The following ZC3H8 variants were observed in gnomAD, a reference collection of about 807,000 sequenced individuals.
ZC3H8 encodes zinc finger CCCH domain-containing protein 8.
A neutral mutation model predicts 42.5 loss-of-function variants in ZC3H8; 27 were observed. The ratio of observed to expected loss-of-function variants is 0.64; its 90% CI spans 0.47 to 0.88. The LOEUF (loss-of-function observed/expected upper bound fraction) is 0.88, where lower values mean the gene tolerates loss of function less well. Ranked by LOEUF, ZC3H8 falls within the 40% of genes least tolerant of loss-of-function variation. ZC3H8 has a pLI of 0.00. For missense variants in ZC3H8, 277 were observed against 336.1 expected (o/e 0.82, Z 1.37); for synonymous variants, 101 against 110.1 (o/e 0.92, Z 0.52).
chr2:112,239,559 T>C (rs1368068276), intron 2 of ZC3H8, among the ~76,000 whole-genome samples: 1 of 147,422 alleles, frequency 6.8e-6, no homozygotes, highest in Non-Finnish European at 1.5e-5. Flanking sequence ...ATATATTAGG[T>C]GGCCCAATTT....
At chr2:112,251,612 A>G (rs574009407) in intron 1 of ZC3H8, among the ~76,000 whole-genome samples, 1 of 152,322 alleles carries the variant, frequency 6.6e-6, no homozygotes, top group African/African-American at 2.4e-5. Flanking sequence ...CGTAACACTT[A>G]CCACAAACAA....
rs1448158959 is a variant in ZC3H8 at position 112,254,901 on chromosome 2, G to A, written c.74+7C>T. On this transcript the variant is annotated splice_region_variant and intron_variant, in intron 1 of 8. Coordinates refer to ENST00000409573, the MANE Select transcript of ZC3H8 (RefSeq NM_032494.3). Reference sequence around the variant, plus strand: ...TGCATTCAAAAGATGAAAAGATATGGGATCACCTTTCGTCAGAGTCCGTGG... The same window carrying A: ...TGCATTCAAAAGATGAAAAGATATGAGATCACCTTTCGTCAGAGTCCGTGG... The A allele has an allele frequency of 6.2e-7, 1 of 1,613,076 alleles. No individual in the cohort carries two copies.
intron 1 of ZC3H8, among the ~76,000 whole-genome samples, chr2:112,251,870 T>C (rs1685961047): frequency 6.6e-6 from 1 of 152,216 alleles, no homozygotes; most frequent in Admixed American, 6.5e-5. Flanking sequence ...ATGAGCAGGA[T>C]AGGACAGAGG....
intron 2 of ZC3H8, among the ~76,000 whole-genome samples, chr2:112,248,096 C>G (rs1351520150): frequency 1.3e-5 from 2 of 152,212 alleles, no homozygotes; most frequent in Non-Finnish European, 2.9e-5. Flanking sequence ...GAGGCCGAGG[C>G]TGGCAGATCA....
chr2:112,214,997 C>G lies in ZC3H8; in HGVS notation c.*1487G>C, dbSNP rs1684271201. 1 of 152,018 alleles carries G rather than the reference C, an allele frequency of 6.6e-6. No individual in the cohort carries two copies. Among genetic ancestry groups the G allele is most frequent in the South Asian group, 2.1e-4 (1 of 4,814 alleles). The allele number at this position is 152,018 out of a possible 1,614,324, so 9.4% of individuals were successfully genotyped here. On this transcript the variant is annotated 3_prime_UTR_variant, in exon 9 of 9. Transcript: ENST00000409573. ...ATCTCTGCGGTGTCTTTTAAGTTTA[C>G]AAGTGAGATGGGTACTGCCTCAGAA...
At position 112,236,672 on chromosome 2, in the gene ZC3H8, G is replaced by C. The variant is rs765271218; in HGVS notation, c.394C>G (p.Leu132Val). Residue 132 changes from leucine (L) to valine (V), a missense_variant, in exon 4 of 9, where the codon CTT becomes GTT. Physicochemically the swap from Leu to Val is conservative, Grantham distance 32. Transcript: ENST00000409573. ...PQAAKQKNKN[L>V]KAGHKNGKQK... ...TTGCCATTCTTGTGACCAGCTTTAA[G>C]ATTTTTATTTTTTTGTTTAGCAGCT... The C allele has an allele frequency of 1.9e-6, 3 of 1,611,958 alleles. No homozygotes were observed. Among genetic ancestry groups the C allele is most frequent in the Non-Finnish European group, 2.5e-6 (3 of 1,179,208 alleles).
chr2:112,228,409 T>A (rs1460178939), intron 8 of ZC3H8, among the ~76,000 whole-genome samples: 1 of 150,812 alleles, frequency 6.6e-6, no homozygotes, highest in Admixed American at 6.6e-5. Flanking sequence ...TGCTGAGGCA[T>A]GAGAATCACT....
At chr2:112,247,629 G>A (rs1685805756) in intron 2 of ZC3H8, among the ~76,000 whole-genome samples, 1 of 152,182 alleles carries the variant, frequency 6.6e-6, no homozygotes, top group South Asian at 2.1e-4. Flanking sequence ...ATTTGATAAT[G>A]TATTCACCTT....
Position 112,215,598 on chromosome 2 carries a change from A to G in ZC3H8, c.*886T>C, listed in dbSNP as rs1684288963. 1 of 152,248 alleles carries G rather than the reference A, an allele frequency of 6.6e-6. No individual in the cohort carries two copies. The highest frequency in any genetic ancestry group is 6.5e-5 in the Admixed American group (1 of 15,286). 9.4% of individuals were successfully genotyped at this position (152,248 alleles called of 1,614,324 possible). A position where few individuals can be genotyped will look rare whatever the true frequency, so the allele number is the denominator to read the frequency against. ...GGTAATACTATTACTTTTCCCAACA[A>G]TAAAACAATATAATGACGAGTTTCC... On this transcript the variant is annotated 3_prime_UTR_variant, in exon 9 of 9. Coordinates refer to ENST00000409573, the MANE Select transcript of ZC3H8 (RefSeq NM_032494.3).
At chr2:112,221,680 G>A (rs1684592834) in intron 8 of ZC3H8, among the ~76,000 whole-genome samples, 1 of 152,060 alleles carries the variant, frequency 6.6e-6, no homozygotes, top group African/African-American at 2.4e-5. Context: ...ACTGCACTGT[G>A]AAATTCTTCT....
chr2:112,244,790 T>C (rs1685702034), intron 2 of ZC3H8, among the ~76,000 whole-genome samples: 1 of 152,226 alleles, frequency 6.6e-6, no homozygotes, highest in South Asian at 2.1e-4. Context: ...ACTTAATCGA[T>C]AAATGTTGCA....
intron 2 of ZC3H8, among the ~76,000 whole-genome samples, chr2:112,241,066 A>G (rs1173335155): frequency 6.6e-6 from 1 of 151,668 alleles, no homozygotes; most frequent in Non-Finnish European, 1.5e-5. Context: ...AGGAATTAAG[A>G]GTCAAATTTC....
intron 7 of ZC3H8, 129 bp downstream of exon 7, chr2:112,231,709 A>G (rs552275446): frequency 2.3e-6 from 1 of 427,920 alleles, no homozygotes; most frequent in Non-Finnish European, 4.1e-6. Context: ...TTCTTAAGTT[A>G]TTAGTCCTAA....
intron 2 of ZC3H8, among the ~76,000 whole-genome samples, chr2:112,239,577 TAC>T (rs148220256): frequency 7.0e-6 from 1 of 142,820 alleles, no homozygotes; most frequent in Non-Finnish European, 1.5e-5. Flanking sequence ...TTTAACAGTT[TAC>T]TTTTTTTTTT....
At chr2:112,247,170 C>A (rs897501494) in intron 2 of ZC3H8, among the ~76,000 whole-genome samples, 2 of 152,190 alleles carry the variant, frequency 1.3e-5, no homozygotes, top group Admixed American at 1.3e-4. Context: ...CATTCTTGTG[C>A]CTAGCTTTAC....
At chr2:112,239,710 G>A (rs1362471563) in intron 2 of ZC3H8, among the ~76,000 whole-genome samples, 4 of 148,010 alleles carry the variant, frequency 2.7e-5, no homozygotes, top group African/African-American at 1.0e-4. Context: ...TCAGCCTCCC[G>A]AGTAGCTGGG....
chr2:112,234,053 TAAAA>T, intron 5 of ZC3H8, 63 bp downstream of exon 5: 1 of 945,924 alleles, frequency 1.1e-6, no homozygotes, highest in Non-Finnish European at 1.5e-6. Context: ...AGGTATGAAT[TAAAA>T]GAGTATCAAA....
At chr2:112,234,276 GA>G in intron 4 of ZC3H8, 40 bp from the exon 5 acceptor site, 1 of 1,400,020 alleles carries the variant, frequency 7.1e-7, no homozygotes. Flanking sequence ...GTAAGAAACA[GA>G]AAATTAAATA....
chr2:112,233,385 A>T lies in ZC3H8; in HGVS notation c.622-14T>A, dbSNP rs892874340. On this transcript the variant is annotated splice_polypyrimidine_tract_variant and intron_variant, in intron 5 of 8. Transcript: ENST00000409573. ...ACACTGGTCTCCCTAGGCCAAAAGAAGGAGCAAGGAAAAGCCATTATTTCT... is the reference window on the plus strand; with the variant it reads ...ACACTGGTCTCCCTAGGCCAAAAGATGGAGCAAGGAAAAGCCATTATTTCT... 7 of 1,508,048 alleles carry T rather than the reference A, an allele frequency of 4.6e-6. No homozygotes were observed. Among genetic ancestry groups the T allele is most frequent in the Non-Finnish European group, 5.4e-6 (6 of 1,107,262 alleles). The allele number at this position is 1,508,048 out of a possible 1,614,324, so 93.4% of individuals were successfully genotyped here.
Sources: allele counts gnomAD v4.1 joint callset (sites outside exome capture counted in the v4.1 genomes callset), GRCh38; gene constraint gnomAD v4.1.1; transcripts MANE v1.5; gene names NCBI Gene and HGNC (gene_info 2026-07-23, HGNC 2026-07-21).